The following BASP1 variants were observed in gnomAD, a reference collection of about 807,000 sequenced individuals.
BASP1 encodes brain abundant membrane attached signal protein 1.
In BASP1, 1 loss-of-function variant was observed where a neutral mutation model predicts 2.2. The observed-to-expected ratio is 0.46, with a 90% CI of 0.16 to 2.17. The LOEUF (loss-of-function observed/expected upper bound fraction) is 2.17. BASP1 is among the 30% of genes most tolerant of loss of function. The pLI is 0.27. For synonymous variants in BASP1, 187 were observed against 154.2 expected, an observed-to-expected ratio of 1.21 and a Z score of -1.58; for missense variants, 352 against 327.2, an observed-to-expected ratio of 1.08 and a Z score of -0.58.
rs1410029040 is a variant in BASP1 at position 17,228,340 on chromosome 5, T to C, written c.-10+10530T>C. On this transcript the variant is annotated intron_variant, in intron 1 of 1. Transcript: ENST00000322611. Reference sequence around the variant, plus strand: ...ACCACAATGCAGAGAGAGGTAACTATCCAATGGAATGGTAACATGGTTCCA... The same window carrying C: ...ACCACAATGCAGAGAGAGGTAACTACCCAATGGAATGGTAACATGGTTCCA... 3.3e-5 allele frequency among the ~76,000 whole-genome samples: 5 copies of C among 152,140 alleles called. No homozygotes were observed. The East Asian group carries it at 7.7e-4, about 23-fold the overall frequency.
At chr5:17,258,944 G>A (rs1740263583) in intron 1 of BASP1, among the ~76,000 whole-genome samples, 1 of 152,208 alleles carries the variant, frequency 6.6e-6, no homozygotes, top group African/African-American at 2.4e-5. Context: ...GGAGGGACCA[G>A]ATGACAAATG....
chr5:17,220,074 T>G (rs1739366749), intron 1 of BASP1, among the ~76,000 whole-genome samples: 1 of 151,920 alleles, frequency 6.6e-6, no homozygotes, highest in African/African-American at 2.4e-5. Context: ...AAATATGATA[T>G]TTTTTGCAGT....
intron 1 of BASP1, among the ~76,000 whole-genome samples, chr5:17,230,315 G>A (rs1739605979): frequency 2.0e-5 from 3 of 152,164 alleles, no homozygotes; most frequent in Non-Finnish European, 4.4e-5. Flanking sequence ...AGAAGCAAGT[G>A]CAGGAAGAGT....
intron 1 of BASP1, among the ~76,000 whole-genome samples, chr5:17,222,600 T>C (rs1739412314): frequency 6.6e-6 from 1 of 152,204 alleles, no homozygotes; most frequent in African/African-American, 2.4e-5. Flanking sequence ...GGAAGCAGTG[T>C]GATTAAAACA....
chr5:17,274,099 A>G (rs1267741308), intron 1 of BASP1, among the ~76,000 whole-genome samples: 1 of 152,216 alleles, frequency 6.6e-6, no homozygotes, highest in Admixed American at 6.5e-5. Context: ...GAATTTCAAG[A>G]TTCAAATACA....
intron 1 of BASP1, among the ~76,000 whole-genome samples, chr5:17,269,682 A>G (rs1740491880): frequency 6.6e-6 from 1 of 152,238 alleles, no homozygotes; most frequent in Non-Finnish European, 1.5e-5. Flanking sequence ...GGGGGATTTT[A>G]AAGATGTAAG....
rs369705603 is a variant in BASP1, at chr5:17,260,429, G to GA, written c.-9-14770dup. Among the ~76,000 whole-genome samples the GA allele has an allele frequency of 2.6e-5, 4 of 151,006 alleles. No individual in the cohort carries two copies. The highest frequency in any genetic ancestry group is 6.6e-5 in the Admixed American group (1 of 15,126). On this transcript the variant is annotated intron_variant, in intron 1 of 1. Transcript: ENST00000322611. The surrounding 1 kb of genome is among the most constrained non-coding windows in gnomAD (Gnocchi z 4.2). ...CTACAATATGCACATAGTAACAAAAGAAAAAAAAATCTTGACAATATCATT... is the reference window on the plus strand; with the variant it reads ...CTACAATATGCACATAGTAACAAAAGAAAAAAAAAATCTTGACAATATCATT...
At chr5:17,224,280 G>A (rs980239750) in intron 1 of BASP1, among the ~76,000 whole-genome samples, 1 of 152,138 alleles carries the variant, frequency 6.6e-6, no homozygotes, top group Non-Finnish European at 1.5e-5. Context: ...ATTCTGGAGG[G>A]AAGTCATATA....
rs1740098626 is a variant in BASP1, at chr5:17,251,357, T to C, written c.-9-23851T>C. Reference sequence around the variant, plus strand: ...AAACATCCCAAATACCCTGATTTTATTATTACACATTGTATACAAGTATCA... The same window carrying C: ...AAACATCCCAAATACCCTGATTTTACTATTACACATTGTATACAAGTATCA... On this transcript the variant is annotated intron_variant, in intron 1 of 1. Transcript: ENST00000322611. This position sits in a 1 kb window ranked among gnomAD's most constrained non-coding sequence, Gnocchi z 4.0. 6.6e-6 allele frequency among the ~76,000 whole-genome samples: 1 copy of C among 152,194 alleles called. No homozygotes were observed. Among genetic ancestry groups the C allele is most frequent in the Admixed American group, 6.5e-5 (1 of 15,278 alleles).
chr5:17,245,041 C>T (rs1461025872), intron 1 of BASP1, among the ~76,000 whole-genome samples: 2 of 150,786 alleles, frequency 1.3e-5, no homozygotes, highest in South Asian at 4.2e-4. Context: ...CAGTGGCTCA[C>T]GCCTGTAATC....
intron 1 of BASP1, among the ~76,000 whole-genome samples, chr5:17,274,890 C>G (rs1336588848): frequency 6.6e-6 from 1 of 152,028 alleles, no homozygotes; most frequent in Admixed American, 6.5e-5. Context: ...ATTACTTGGG[C>G]GTGGTGGGTA....
At chr5:17,255,406 T>C (rs2962365) in intron 1 of BASP1, among the ~76,000 whole-genome samples, 28,223 of 152,078 alleles carry the variant, frequency 0.19, 2,904 homozygotes, top group East Asian at 0.35. Context: ...GGTTTTTTTT[T>C]CCCATTAAAA....
At chr5:17,218,309 A>T (rs1739310038) in intron 1 of BASP1, among the ~76,000 whole-genome samples, 1 of 151,602 alleles carries the variant, frequency 6.6e-6, no homozygotes, top group East Asian at 2.0e-4. Context: ...CCGGGGAGAA[A>T]GAAGATGGGG....
At chr5:17,257,731 G>T (rs907901946) in intron 1 of BASP1, among the ~76,000 whole-genome samples, 1 of 152,132 alleles carries the variant, frequency 6.6e-6, no homozygotes, top group Non-Finnish European at 1.5e-5. Context: ...AGCCATCAAA[G>T]TTCCGCTTGA....
chr5:17,218,285 G>T (rs1739309055), intron 1 of BASP1, among the ~76,000 whole-genome samples: 1 of 146,698 alleles, frequency 6.8e-6, no homozygotes, highest in Non-Finnish European at 1.5e-5. Flanking sequence ...GTGGGGGTGG[G>T]GTGGGGCGGG....
chr5:17,221,213 A>G (rs1249574237), intron 1 of BASP1, among the ~76,000 whole-genome samples: 1 of 152,196 alleles, frequency 6.6e-6, no homozygotes, highest in Non-Finnish European at 1.5e-5. Flanking sequence ...CATTTATCCC[A>G]GTGTACCTGG....
chr5:17,274,940 G>C (rs1740599028), intron 1 of BASP1, among the ~76,000 whole-genome samples: 1 of 152,106 alleles, frequency 6.6e-6, no homozygotes, highest in South Asian at 2.1e-4. Context: ...GAGGCGGGAG[G>C]ATCCCCTGAG....
At chr5:17,235,851 T>A (rs1005871177) in intron 1 of BASP1, among the ~76,000 whole-genome samples, 2 of 152,150 alleles carry the variant, frequency 1.3e-5, no homozygotes, top group Non-Finnish European at 2.9e-5. Flanking sequence ...CACAGGGAGA[T>A]TCCTTGGATG....
intron 1 of BASP1, among the ~76,000 whole-genome samples, chr5:17,273,840 T>C (rs1740576613): frequency 6.6e-6 from 1 of 152,104 alleles, no homozygotes; most frequent in South Asian, 2.1e-4. Context: ...CTTTTCTCAT[T>C]TATGGGACTA....
Sources: allele counts gnomAD v4.1 joint callset (sites outside exome capture counted in the v4.1 genomes callset), GRCh38; gene constraint gnomAD v4.1.1; non-coding constraint Gnocchi (gnomAD v3.1); transcripts MANE v1.5; gene names NCBI Gene and HGNC (gene_info 2026-07-23, HGNC 2026-07-21).